KCNIP4: variants seen among roughly 807,000 people sequenced by gnomAD.
KCNIP4 encodes the protein potassium voltage-gated channel interacting protein 4.
Under a neutral mutation model 34.0 loss-of-function variants are expected in KCNIP4, and 12 were observed. That is an observed-to-expected ratio of 0.35 (90% CI 0.23 to 0.57). The LOEUF (loss-of-function observed/expected upper bound fraction) is 0.57, where lower values mean the gene tolerates loss of function less well. Ranked by LOEUF, KCNIP4 falls within the 20% of genes least tolerant of loss-of-function variation. The probability of loss-of-function intolerance (pLI) is 0.83; values close to 1 mark genes in which losing one functional copy is unlikely to be tolerated. For synonymous variants in KCNIP4, 124 were observed against 102.2 expected (o/e 1.21, Z -1.29); for missense variants, 238 against 311.7 (o/e 0.76, Z 1.78).
intron 1 of KCNIP4, among the ~76,000 whole-genome samples, chr4:20,949,330 C>A (rs1361706426): frequency 3.3e-5 from 5 of 152,212 alleles, no homozygotes; most frequent in African/African-American, 1.2e-4. Flanking sequence ...CTAACAGATT[C>A]TTTGCAGCAG....
chr4:21,140,669 C>G (rs1751881290), intron 1 of KCNIP4, among the ~76,000 whole-genome samples: 1 of 152,126 alleles, frequency 6.6e-6, no homozygotes, highest in African/African-American at 2.4e-5. Flanking sequence ...GGCTGCTTTC[C>G]AATGCCCTTT....
At chr4:21,801,838 C>A (rs1238097322) in intron 1 of KCNIP4, among the ~76,000 whole-genome samples, 3 of 151,618 alleles carry the variant, frequency 2.0e-5, no homozygotes, top group Non-Finnish European at 4.4e-5. Flanking sequence ...GGCTGAGAAG[C>A]AGTGGCCTCT....
chr4:21,515,877 T>C (rs1406942690), intron 1 of KCNIP4, among the ~76,000 whole-genome samples: 2 of 152,140 alleles, frequency 1.3e-5, no homozygotes, highest in Non-Finnish European at 2.9e-5. Flanking sequence ...CTTCCAGACT[T>C]CCAGAAGCAT....
chr4:21,714,854 AT>A (rs1192704942), intron 1 of KCNIP4, among the ~76,000 whole-genome samples: 1 of 326 alleles, frequency 3.1e-3, no homozygotes, highest in Non-Finnish European at 4.3e-3. Context: ...ATTTTATTTT[AT>A]TTTATTTTAT....
chr4:20,783,913 G>GGTTT (rs1711571916), intron 3 of KCNIP4, among the ~76,000 whole-genome samples: 3 of 152,146 alleles, frequency 2.0e-5, no homozygotes, highest in Admixed American at 2.0e-4. Flanking sequence ...TTGGTTGGTT[G>GGTTT]TTTTGAGCCC....
At chr4:20,913,436 A>G (rs987252456) in intron 1 of KCNIP4, among the ~76,000 whole-genome samples, 3 of 152,268 alleles carry the variant, frequency 2.0e-5, no homozygotes, top group African/African-American at 4.8e-5. Context: ...TTGGGGTGAT[A>G]AAAATGTTCT....
chr4:21,891,709 A>G (rs546115347), intron 1 of KCNIP4, among the ~76,000 whole-genome samples: 1 of 152,242 alleles, frequency 6.6e-6, no homozygotes, highest in African/African-American at 2.4e-5. Flanking sequence ...TAAAGCAAAA[A>G]TCTGTATCAA....
intron 1 of KCNIP4, among the ~76,000 whole-genome samples, chr4:21,859,051 C>T (rs1724913988): frequency 2.6e-5 from 4 of 152,232 alleles, no homozygotes; most frequent in East Asian, 1.9e-4. Flanking sequence ...GGAAGATCCT[C>T]GAAATCACTG....
At chr4:21,755,369 T>G (rs1717437710) in intron 1 of KCNIP4, among the ~76,000 whole-genome samples, 1 of 152,212 alleles carries the variant, frequency 6.6e-6, no homozygotes, top group Non-Finnish European at 1.5e-5. Flanking sequence ...AGTTACTTAC[T>G]CTAATAAGTC....
At chr4:21,714,104 A>G (rs1713958962) in intron 1 of KCNIP4, among the ~76,000 whole-genome samples, 1 of 152,158 alleles carries the variant, frequency 6.6e-6, no homozygotes, top group African/African-American at 2.4e-5. Context: ...ATATACTCCA[A>G]AAATATAGTC....
At chr4:21,102,259 G>A (rs1253599049) in intron 1 of KCNIP4, among the ~76,000 whole-genome samples, 1 of 152,012 alleles carries the variant, frequency 6.6e-6, no homozygotes, top group Non-Finnish European at 1.5e-5. Context: ...AAATCAGTTG[G>A]GTGACTGGTG....
At chr4:21,897,353 C>A (rs1161675322) in intron 1 of KCNIP4, among the ~76,000 whole-genome samples, 1 of 152,046 alleles carries the variant, frequency 6.6e-6, no homozygotes, top group Non-Finnish European at 1.5e-5. Context: ...TACATACCAA[C>A]TTAATTGGCC....
At chr4:21,824,962 C>T (rs1015855787) in intron 1 of KCNIP4, among the ~76,000 whole-genome samples, 4 of 152,062 alleles carry the variant, frequency 2.6e-5, no homozygotes, top group African/African-American at 9.7e-5. Flanking sequence ...AGGCATGTTG[C>T]TTAAATAACT....
chr4:21,519,558 ATGTG>A (rs1475684230), intron 1 of KCNIP4, among the ~76,000 whole-genome samples: 17 of 47,162 alleles, frequency 3.6e-4, no homozygotes, highest in South Asian at 1.3e-3. Context: ...ATATGTGTGT[ATGTG>A]TATATATACA....
chr4:21,682,542 C>A (rs1330045185), intron 1 of KCNIP4, among the ~76,000 whole-genome samples: 3 of 152,276 alleles, frequency 2.0e-5, no homozygotes, highest in Middle Eastern at 6.8e-3. Context: ...CCTACTAGAA[C>A]TTTTCCTTTG....
intron 8 of KCNIP4, 41 bp downstream of exon 8, chr4:20,731,965 A>T (rs1748377291): frequency 6.2e-7 from 1 of 1,610,682 alleles, no homozygotes; most frequent in African/African-American, 1.3e-5. Context: ...TTTAGCTGTT[A>T]TGATAGCTGA....
chr4:21,027,701 A>G (rs921565938), intron 1 of KCNIP4, among the ~76,000 whole-genome samples: 2 of 151,884 alleles, frequency 1.3e-5, no homozygotes, highest in Non-Finnish European at 2.9e-5. Context: ...GCAAAAGTCT[A>G]GTTTTCCCTT....
intron 1 of KCNIP4, among the ~76,000 whole-genome samples, chr4:21,218,143 G>A (rs948884341): frequency 6.6e-6 from 1 of 151,822 alleles, no homozygotes; most frequent in Non-Finnish European, 1.5e-5. Flanking sequence ...AGTCTCCCGA[G>A]TAGCTGGAAT....
At chr4:21,517,614 C>T (rs899531626) in intron 1 of KCNIP4, among the ~76,000 whole-genome samples, 2 of 151,974 alleles carry the variant, frequency 1.3e-5, no homozygotes, top group African/African-American at 4.8e-5. Context: ...TTTATCCTGC[C>T]TAATACGAGT....
Sources: gnomAD v4.1 joint callset for allele counts (sites outside exome capture counted in the v4.1 genomes callset) on GRCh38, gnomAD v4.1.1 for gene constraint, MANE v1.5 for transcripts, NCBI Gene and HGNC (gene_info 2026-07-23, HGNC 2026-07-21) for gene names.